The following MGAT4C variants were observed in gnomAD, a reference collection of about 807,000 sequenced individuals.
MGAT4C encodes MGAT4 family member C, also known as alpha-1,3-mannosyl-glycoprotein 4-beta-N-acetylglucosaminyltransferase C.
Under a neutral mutation model 40.1 loss-of-function variants are expected in MGAT4C, and 19 were observed. The observed-to-expected ratio is 0.47, with a 90% CI of 0.33 to 0.70. The LOEUF (loss-of-function observed/expected upper bound fraction) is 0.70. MGAT4C is among the 30% of genes least tolerant of loss of function. The probability of loss-of-function intolerance (pLI) is 0.02; values close to 1 mark genes in which losing one functional copy is unlikely to be tolerated. For missense variants in MGAT4C, 491 were observed against 563.2 expected (o/e 0.87, Z 1.30); for synonymous variants, 181 against 187.1 (o/e 0.97, Z 0.27).
chr12:86,365,477 T>C (rs747465423), intron 3 of MGAT4C, among the ~76,000 whole-genome samples: 23 of 152,180 alleles, frequency 1.5e-4, no homozygotes, highest in African/African-American at 2.4e-4. Flanking sequence ...CACAAGGCTA[T>C]TGATTGGGGA....
chr12:86,717,069 G>GA (rs1160879693), intron 2 of MGAT4C, among the ~76,000 whole-genome samples: 1 of 151,790 alleles, frequency 6.6e-6, no homozygotes, highest in Non-Finnish European at 1.5e-5. Context: ...CTCAGAATGG[G>GA]AAAAAATAAT....
At chr12:86,409,822 C>T (rs1016037791) in intron 3 of MGAT4C, among the ~76,000 whole-genome samples, 2 of 151,992 alleles carry the variant, frequency 1.3e-5, no homozygotes, top group African/African-American at 2.4e-5. Context: ...GAACCAGCCC[C>T]CAATTTTTCA....
chr12:86,736,884 G>C (rs1317641992), intron 1 of MGAT4C, among the ~76,000 whole-genome samples: 1 of 150,768 alleles, frequency 6.6e-6, no homozygotes, highest in Non-Finnish European at 1.5e-5. Flanking sequence ...TCCTTCTATT[G>C]TGTACATAAC....
intron 2 of MGAT4C, among the ~76,000 whole-genome samples, chr12:86,715,654 T>G (rs1164409303): frequency 3.9e-5 from 6 of 152,266 alleles, no homozygotes; most frequent in Non-Finnish European, 8.8e-5. Context: ...TAAGCATTAT[T>G]CTTGTGCTCT....
At chr12:86,566,533 T>TAC (rs1421629734) in intron 2 of MGAT4C, among the ~76,000 whole-genome samples, 2 of 54,660 alleles carry the variant, frequency 3.7e-5, no homozygotes, top group East Asian at 4.2e-4. Context: ...CTCATATACA[T>TAC]ATATATATAT....
chr12:86,181,891 A>G (rs1318823354), intron 1 of MGAT4C, among the ~76,000 whole-genome samples: 1 of 152,054 alleles, frequency 6.6e-6, no homozygotes, highest in Non-Finnish European at 1.5e-5. Context: ...GAACTTTCCA[A>G]TAATACTTTA....
chr12:86,145,614 C>A (rs1490468056), intron 1 of MGAT4C, among the ~76,000 whole-genome samples: 2 of 152,048 alleles, frequency 1.3e-5, no homozygotes, highest in African/African-American at 2.4e-5. Context: ...ATTCTCATGT[C>A]AGGAAATTAA....
chr12:86,211,910 T>A (rs1472870679), intron 1 of MGAT4C, among the ~76,000 whole-genome samples: 1 of 152,186 alleles, frequency 6.6e-6, no homozygotes. Flanking sequence ...TCAGATATTA[T>A]CTTTTGCACC....
chr12:86,094,558 T>C (rs1460500933), intron 1 of MGAT4C, among the ~76,000 whole-genome samples: 1 of 152,182 alleles, frequency 6.6e-6, no homozygotes, highest in East Asian at 1.9e-4. Context: ...ATTCACCTAA[T>C]GTACTGGCAG....
At chr12:86,811,381 C>A (rs1486003236) in intron 1 of MGAT4C, among the ~76,000 whole-genome samples, 1 of 143,094 alleles carries the variant, frequency 7.0e-6, no homozygotes, top group Non-Finnish European at 1.5e-5. Flanking sequence ...CTCACTCTGT[C>A]ACCCAGGCTG....
chr12:86,654,721 C>CT (rs35738979), intron 2 of MGAT4C, among the ~76,000 whole-genome samples: 1,497 of 143,698 alleles, frequency 0.01, 8 homozygotes, highest in African/African-American at 0.02. Context: ...TTCCCTGTAC[C>CT]TTTTTTTTTT....
At chr12:86,667,510 A>G (rs78891626) in intron 2 of MGAT4C, among the ~76,000 whole-genome samples, 1 of 152,236 alleles carries the variant, frequency 6.6e-6, no homozygotes, top group Non-Finnish European at 1.5e-5. Flanking sequence ...AAAGATTTCA[A>G]TGTGTAAATA....
At chr12:86,542,458 C>T (rs1025763905) in intron 2 of MGAT4C, among the ~76,000 whole-genome samples, 2 of 152,196 alleles carry the variant, frequency 1.3e-5, no homozygotes, top group Non-Finnish European at 2.9e-5. Context: ...ATCTGAGGAA[C>T]TGTGGGAGAG....
At chr12:86,391,318 C>T (rs1956156314) in intron 3 of MGAT4C, among the ~76,000 whole-genome samples, 1 of 152,048 alleles carries the variant, frequency 6.6e-6, no homozygotes, top group African/African-American at 2.4e-5. Flanking sequence ...GTACTGAGCT[C>T]AAAACACAGG....
intron 1 of MGAT4C, among the ~76,000 whole-genome samples, chr12:86,142,104 C>T (rs1316899122): frequency 6.6e-6 from 1 of 152,144 alleles, no homozygotes; most frequent in East Asian, 1.9e-4. Context: ...TAAGGACAAA[C>T]CTCTGACTTC....
At chr12:86,423,253 G>A (rs565304453) in intron 3 of MGAT4C, among the ~76,000 whole-genome samples, 103 of 151,822 alleles carry the variant, frequency 6.8e-4, no homozygotes, top group African/African-American at 2.4e-3. Context: ...TACAGACAGG[G>A]TGCATTAAAT....
intron 3 of MGAT4C, among the ~76,000 whole-genome samples, chr12:86,405,892 C>G (rs886117096): frequency 1.4e-5 from 2 of 138,592 alleles, no homozygotes; most frequent in Non-Finnish European, 3.1e-5. Context: ...GCTGAAACAA[C>G]TGGACATACA....
At chr12:86,406,581 A>C in intron 3 of MGAT4C, among the ~76,000 whole-genome samples, 1 of 152,216 alleles carries the variant, frequency 6.6e-6, no homozygotes, top group East Asian at 1.9e-4. Flanking sequence ...GGAATGGCTA[A>C]AAGAAACAAA....
Position 85,995,130 on chromosome 12 carries a change from A to T in MGAT4C, c.-6-5578T>A, listed in dbSNP as rs189864109. 1.6e-4 allele frequency among the ~76,000 whole-genome samples: 24 copies of T among 152,276 alleles called. No individual in the cohort carries two copies. In the East Asian group the frequency reaches 4.1e-3, roughly 26 times the overall value. ...TCTAATATTGGACAACAGGCAGCACAGGGCAATATCCCCAAGTGAAGAAAC... is the reference window on the plus strand; with the variant it reads ...TCTAATATTGGACAACAGGCAGCACTGGGCAATATCCCCAAGTGAAGAAAC... On this transcript the variant is annotated intron_variant, in intron 2 of 4. Coordinates refer to ENST00000611864, the MANE Select transcript of MGAT4C (RefSeq NM_001351288.2).
Sources: gnomAD v4.1 joint callset for allele counts (sites outside exome capture counted in the v4.1 genomes callset) on GRCh38, gnomAD v4.1.1 for gene constraint, MANE v1.5 for transcripts, NCBI Gene and HGNC (gene_info 2026-07-23, HGNC 2026-07-21) for gene names.